CGAS: variants seen among roughly 807,000 people sequenced by gnomAD.
CGAS encodes 2'3'-cGAMP synthase.
In CGAS, 31 loss-of-function variants were observed where a neutral mutation model predicts 34.0. The observed-to-expected ratio is 0.91, with a 90% CI of 0.69 to 1.23. The LOEUF (loss-of-function observed/expected upper bound fraction) is 1.23, where lower values mean the gene tolerates loss of function less well. CGAS is among the 50% of genes most tolerant of loss of function. The pLI, the probability that CGAS is intolerant of heterozygous loss-of-function variation, is 0.00. For synonymous variants in CGAS, 266 were observed against 260.0 expected (o/e 1.02, Z -0.22); for missense variants, 597 against 657.6 (o/e 0.91, Z 1.01).
At chr6:73,445,498 C>A (rs769634919) in intron 2 of CGAS, 30 bp downstream of exon 2, 9 of 1,505,078 alleles carry the variant, frequency 6.0e-6, no homozygotes, top group South Asian at 1.2e-5. Flanking sequence ...TATAATTAAA[C>A]CTTTAAGAAT....
chr6:73,448,717 G>A lies in CGAS; in HGVS notation c.657+2808C>T, dbSNP rs111852136. 3.1e-4 allele frequency among the ~76,000 whole-genome samples: 47 copies of A among 152,118 alleles called. No individual in the cohort carries two copies. In the South Asian group the frequency reaches 4.4e-3, roughly 14 times the overall value. Reference sequence around the variant, plus strand: ...TTGTCCAGGCTGGACTCAAACTCCCGCCTCAGCCTCCCATGGTGCTAGGAT... The same window carrying A: ...TTGTCCAGGCTGGACTCAAACTCCCACCTCAGCCTCCCATGGTGCTAGGAT... On this transcript the variant is annotated intron_variant, in intron 1 of 4. Coordinates refer to ENST00000370315, the MANE Select transcript of CGAS (RefSeq NM_138441.3).
intron 3 of CGAS, among the ~76,000 whole-genome samples, chr6:73,429,090 T>C (rs1409217667): frequency 6.6e-6 from 1 of 150,960 alleles, no homozygotes; most frequent in African/African-American, 2.4e-5. Context: ...CTCGGGAGGC[T>C]GAGGAAGGAG....
At position 73,445,446 on chromosome 6, in the gene CGAS, C is replaced by T. The variant is rs576838471; in HGVS notation, c.877+82G>A. The T allele has an allele frequency of 3.0e-6, 3 of 1,001,066 alleles. No individual in the cohort carries two copies. In the East Asian group the frequency reaches 7.6e-5, roughly 25 times the overall value. The allele number at this position is 1,001,066 out of a possible 1,614,324, so 62.0% of individuals were successfully genotyped here. The stretch of plus-strand genomic sequence containing the variant: ...GCACTTTTTCTTACTGCAGAGAGGT[C>T]AAGAAACATGAGAATGGGAGTGTAC... On this transcript the variant is annotated intron_variant, in intron 2 of 4. Coordinates refer to ENST00000370315, the MANE Select transcript of CGAS (RefSeq NM_138441.3).
chr6:73,449,019 G>A (rs1037911795), intron 1 of CGAS, among the ~76,000 whole-genome samples: 1 of 151,766 alleles, frequency 6.6e-6, no homozygotes, highest in Non-Finnish European at 1.5e-5. Flanking sequence ...AACCCGGGAG[G>A]CGGAGGTTAC....
intron 4 of CGAS, among the ~76,000 whole-genome samples, chr6:73,427,577 G>C (rs936872600): frequency 1.3e-5 from 2 of 152,160 alleles, no homozygotes; most frequent in African/African-American, 4.8e-5. Context: ...TGGGATTGCA[G>C]GCCTTGAGCC....
rs1358053788 is a variant in CGAS, at chr6:73,451,872, C to T, written c.310G>A (p.Gly104Arg). 25 of 1,546,404 alleles carry T rather than the reference C, an allele frequency of 1.6e-5. No individual in the cohort carries two copies. The highest frequency in any genetic ancestry group is 2.0e-5 in the Non-Finnish European group (23 of 1,144,580). Residue 104 changes from glycine (G) to arginine (R), a missense_variant, in exon 1 of 5, where the codon GGG becomes AGG. Gly to Arg is a moderately radical substitution (Grantham distance 125). Around this residue, in one of 3 missense-constraint regions of CGAS, gnomAD observed 321 missense variants for 314.3 expected, o/e 1.02. Transcript: ENST00000370315. ...SDATSAPGAEGLEPPAAREPA... is the reference protein window; with the variant it reads ...SDATSAPGAERLEPPAAREPA... Reference sequence around the variant, plus strand: ...TCCCGAGCCGCAGGAGGCTCCAGCCCCTCTGCCCCAGGGGCGCTGGTGGCG... The same window carrying T: ...TCCCGAGCCGCAGGAGGCTCCAGCCTCTCTGCCCCAGGGGCGCTGGTGGCG...
chr6:73,430,167 G>C (rs1184053605), intron 3 of CGAS, among the ~76,000 whole-genome samples: 2 of 152,038 alleles, frequency 1.3e-5, no homozygotes, highest in Admixed American at 1.3e-4. Flanking sequence ...AAGTTGGAGA[G>C]AGAAATCAGA....
intron 3 of CGAS, among the ~76,000 whole-genome samples, chr6:73,439,306 C>T (rs1485859804): frequency 6.6e-6 from 1 of 151,226 alleles, no homozygotes; most frequent in East Asian, 1.9e-4. Context: ...ATGGTGAAAC[C>T]CCGTCTCTAC....
chr6:73,429,744 C>T lies in CGAS; in HGVS notation c.1115-933G>A, dbSNP rs867858644. On this transcript the variant is annotated intron_variant, in intron 3 of 4. Coordinates refer to ENST00000370315, the MANE Select transcript of CGAS (RefSeq NM_138441.3). ...GGGAGGCTGAGGCAGGAGAATGGCG[C>T]GAACCCGGGAGGTGGAGCTTGCAGT... 4.8e-4 allele frequency among the ~76,000 whole-genome samples: 73 copies of T among 151,606 alleles called. 1 individual carries two copies. The highest frequency in any genetic ancestry group is 9.2e-4 in the Admixed American group (14 of 15,214).
At chr6:73,441,655 G>C (rs532306134) in intron 2 of CGAS, among the ~76,000 whole-genome samples, 7 of 152,286 alleles carry the variant, frequency 4.6e-5, no homozygotes, top group African/African-American at 1.7e-4. Context: ...CACTCAAGTG[G>C]AGATGGCTGC....
At chr6:73,429,081 T>G (rs990625590) in intron 3 of CGAS, among the ~76,000 whole-genome samples, 2 of 151,204 alleles carry the variant, frequency 1.3e-5, no homozygotes, top group African/African-American at 4.9e-5. Flanking sequence ...TCCCAGCTAC[T>G]CGGGAGGCTG....
At position 73,451,775 on chromosome 6, in the gene CGAS, G is replaced by A; in HGVS notation, c.407C>T (p.Pro136Leu). 6.3e-7 allele frequency: 1 copy of A among 1,597,780 alleles called. No individual in the cohort carries two copies. The highest frequency in any genetic ancestry group is 8.5e-7 in the Non-Finnish European group (1 of 1,173,082). Residue 136 changes from proline to leucine, a missense_variant, in exon 1 of 5, where the codon CCC (proline) becomes CTC (leucine). Transcript: ENST00000370315. Reference protein sequence around the residue: ...ARCSTKPRPPPGPWDVPSPGL... With the variant: ...ARCSTKPRPPLGPWDVPSPGL... The stretch of plus-strand genomic sequence containing the variant: ...GGGGCTGGGCACGTCCCAGGGCCCG[G>A]GCGGAGGTCTTGGCTTCGTGGAGCA...
intron 3 of CGAS, 144 bp downstream of exon 3, chr6:73,440,065 A>G (rs1355393998): frequency 2.9e-6 from 2 of 680,448 alleles, no homozygotes; most frequent in East Asian, 2.7e-5. Flanking sequence ...TCTGTCTGTC[A>G]CCAGACTCCC....
intron 3 of CGAS, among the ~76,000 whole-genome samples, chr6:73,435,935 A>G (rs1770274059): frequency 6.6e-6 from 1 of 152,116 alleles, no homozygotes; most frequent in African/African-American, 2.4e-5. Context: ...ACACTTATAA[A>G]AAACAGCTTA....
intron 1 of CGAS, among the ~76,000 whole-genome samples, chr6:73,449,605 T>G (rs1287141583): frequency 1.3e-5 from 2 of 152,180 alleles, no homozygotes; most frequent in African/African-American, 4.8e-5. Context: ...ATACAGTAAT[T>G]GAACTGAATT....
At chr6:73,425,607 T>C (rs762812026) in intron 4 of CGAS, 29 bp from the exon 5 acceptor site, 1 of 1,418,830 alleles carries the variant, frequency 7.0e-7, no homozygotes, top group African/African-American at 1.4e-5. Context: ...AAACACTTAT[T>C]TTTACTTATT....
Position 73,425,149 on chromosome 6 carries a change from G to A in CGAS, c.*78C>T. 2 of 1,072,196 alleles carry A rather than the reference G, an allele frequency of 1.9e-6. No individual in the cohort carries two copies. The highest frequency in any genetic ancestry group is 2.6e-6 in the Non-Finnish European group (2 of 755,138). 66.4% of individuals were successfully genotyped at this position (1,072,196 alleles called of 1,614,324 possible). On this transcript the variant is annotated 3_prime_UTR_variant, in exon 5 of 5. Coordinates refer to ENST00000370315, the MANE Select transcript of CGAS (RefSeq NM_138441.3). ...ATTACAGGTGTGAGCCACAGCGTCT[G>A]GCCCCTTTTCAAATTTTTCTTGTAT...
intron 1 of CGAS, among the ~76,000 whole-genome samples, chr6:73,449,608 A>G (rs2150018859): frequency 6.6e-6 from 1 of 152,306 alleles, no homozygotes; most frequent in East Asian, 1.9e-4. Context: ...CAGTAATTGA[A>G]CTGAATTGAT....
At chr6:73,429,477 C>A (rs1387538100) in intron 3 of CGAS, among the ~76,000 whole-genome samples, 1 of 152,050 alleles carries the variant, frequency 6.6e-6, no homozygotes, top group African/African-American at 2.4e-5. Context: ...TATATTAATA[C>A]AAAATGAATT....
Sources: gnomAD v4.1 joint callset for allele counts (sites outside exome capture counted in the v4.1 genomes callset) on GRCh38, gnomAD v4.1.1 for gene constraint, gnomAD v4.1.1 regional missense constraint, MANE v1.5 for transcripts, NCBI Gene and HGNC (gene_info 2026-07-23, HGNC 2026-07-21) for gene names.